The following NELL1 variants were observed in gnomAD, a reference collection of about 807,000 sequenced individuals.
The protein encoded by NELL1 is protein kinase C-binding protein NELL1.
In NELL1, 76 loss-of-function variants were observed where a neutral mutation model predicts 107.4. The observed-to-expected ratio is 0.71, with a 90% CI of 0.59 to 0.86. The LOEUF (loss-of-function observed/expected upper bound fraction) is 0.86. NELL1 is among the 40% of genes least tolerant of loss of function. The pLI, the probability that NELL1 is intolerant of heterozygous loss-of-function variation, is 0.00. For synonymous variants in NELL1, 353 were observed against 341.2 expected, an observed-to-expected ratio of 1.03 and a Z score of -0.38; for missense variants, 1,024 against 1,005.5, an observed-to-expected ratio of 1.02 and a Z score of -0.25.
At chr11:20,971,165 G>A (rs1256522124) in intron 12 of NELL1, among the ~76,000 whole-genome samples, 2 of 152,080 alleles carry the variant, frequency 1.3e-5, no homozygotes, top group African/African-American at 2.4e-5. Flanking sequence ...CAGAAGCCAA[G>A]CCTATGTGTA....
intron 14 of NELL1, among the ~76,000 whole-genome samples, chr11:21,269,778 A>C (rs1480566543): frequency 6.6e-6 from 1 of 152,128 alleles, no homozygotes; most frequent in Non-Finnish European, 1.5e-5. Context: ...GCAAAATTAA[A>C]ATTAAAACTT....
At chr11:21,012,794 G>T (rs1231795555) in intron 12 of NELL1, among the ~76,000 whole-genome samples, 1 of 152,020 alleles carries the variant, frequency 6.6e-6, no homozygotes, top group Non-Finnish European at 1.5e-5. Context: ...AAGATCAGAT[G>T]AGTCCATTTA....
chr11:21,373,746 C>T (rs1565193337), intron 15 of NELL1, among the ~76,000 whole-genome samples: 1 of 152,110 alleles, frequency 6.6e-6, no homozygotes, highest in Non-Finnish European at 1.5e-5. Context: ...CATAACCCCC[C>T]TTAAGCAAAC....
At chr11:21,098,186 T>C (rs1355698343) in intron 12 of NELL1, among the ~76,000 whole-genome samples, 2 of 152,198 alleles carry the variant, frequency 1.3e-5, no homozygotes, top group East Asian at 3.9e-4. Flanking sequence ...ATGCCCTGTG[T>C]CTTTTCTATG....
intron 14 of NELL1, among the ~76,000 whole-genome samples, chr11:21,307,772 A>C (rs1210626442): frequency 6.6e-6 from 1 of 152,018 alleles, no homozygotes; most frequent in Non-Finnish European, 1.5e-5. Context: ...CTTTCAAAAG[A>C]GAGGCCTATA....
At chr11:21,276,728 C>G (rs1256102507) in intron 14 of NELL1, among the ~76,000 whole-genome samples, 2 of 152,108 alleles carry the variant, frequency 1.3e-5, no homozygotes, top group Non-Finnish European at 2.9e-5. Flanking sequence ...GAACGGAGCC[C>G]TCAGAAATAA....
intron 14 of NELL1, among the ~76,000 whole-genome samples, chr11:21,274,768 T>C (rs7941898): frequency 6.6e-6 from 1 of 152,104 alleles, no homozygotes; most frequent in East Asian, 1.9e-4. Context: ...CTCAACTACA[T>C]GGAAACTGAA....
intron 3 of NELL1, among the ~76,000 whole-genome samples, chr11:20,817,000 T>C (rs1453560192): frequency 3.3e-5 from 5 of 152,228 alleles, no homozygotes. Context: ...CACTTGATCA[T>C]GAAGAATCAA....
chr11:21,290,180 T>C (rs1193668691), intron 14 of NELL1, among the ~76,000 whole-genome samples: 1 of 151,844 alleles, frequency 6.6e-6, no homozygotes, highest in Non-Finnish European at 1.5e-5. Context: ...CCATCCTGTC[T>C]AACACGGTGA....
chr11:20,704,496 C>T (rs1366971982), intron 2 of NELL1, among the ~76,000 whole-genome samples: 1 of 152,040 alleles, frequency 6.6e-6, no homozygotes, highest in Non-Finnish European at 1.5e-5. Context: ...AGCATTTAGC[C>T]CATTTAGATT....
At chr11:21,252,949 A>G (rs989964809) in intron 14 of NELL1, among the ~76,000 whole-genome samples, 2 of 152,134 alleles carry the variant, frequency 1.3e-5, no homozygotes, top group Non-Finnish European at 2.9e-5. Flanking sequence ...GGAGTGTACA[A>G]CTGCTAATAG....
At chr11:21,143,312 A>C (rs533480109) in intron 13 of NELL1, among the ~76,000 whole-genome samples, 1 of 152,310 alleles carries the variant, frequency 6.6e-6, no homozygotes, top group East Asian at 1.9e-4. Flanking sequence ...TTGGGACAAT[A>C]ATAAGCCAAA....
intron 12 of NELL1, among the ~76,000 whole-genome samples, chr11:21,072,531 C>T (rs1244865349): frequency 6.6e-6 from 1 of 152,116 alleles, no homozygotes; most frequent in African/African-American, 2.4e-5. Context: ...AAGTTCTTGG[C>T]ATTTTCTATG....
intron 13 of NELL1, among the ~76,000 whole-genome samples, chr11:21,174,196 G>A (rs1246050904): frequency 2.0e-5 from 3 of 151,770 alleles, no homozygotes; most frequent in Admixed American, 2.0e-4. Flanking sequence ...TGCTGAAAGT[G>A]AGAGATACTG....
chr11:21,534,371 C>G lies in NELL1; in HGVS notation c.1646-3C>G. ...GGTGGGCTTGTGTTTTTCTCTGAGG[C>G]AGATATTGATGAATGTTCAGAGGGA... On this transcript the variant is annotated splice_region_variant and splice_polypyrimidine_tract_variant and intron_variant, in intron 15 of 19. Transcript: ENST00000357134. The G allele has an allele frequency of 6.2e-7, 1 of 1,613,654 alleles. No homozygotes were observed. Among genetic ancestry groups the G allele is most frequent in the Non-Finnish European group, 8.5e-7 (1 of 1,179,706 alleles).
At chr11:20,987,666 C>T (rs1380538204) in intron 12 of NELL1, among the ~76,000 whole-genome samples, 3 of 152,120 alleles carry the variant, frequency 2.0e-5, no homozygotes, top group Non-Finnish European at 4.4e-5. Context: ...CCCAGAATAC[C>T]TGGAAATTAT....
At chr11:21,347,609 A>G (rs563476765) in intron 14 of NELL1, among the ~76,000 whole-genome samples, 83 of 152,288 alleles carry the variant, frequency 5.5e-4, no homozygotes, top group African/African-American at 1.9e-3. Context: ...CCTAAAACAA[A>G]CAAACAACAA....
intron 9 of NELL1, among the ~76,000 whole-genome samples, chr11:20,937,133 A>C (rs894161258): frequency 6.6e-6 from 1 of 152,194 alleles, no homozygotes; most frequent in Non-Finnish European, 1.5e-5. Context: ...GTTTCAGTGC[A>C]ATCTAAATTG....
intron 13 of NELL1, among the ~76,000 whole-genome samples, chr11:21,115,008 A>G (rs543067181): frequency 6.6e-6 from 1 of 151,980 alleles, no homozygotes; most frequent in Non-Finnish European, 1.5e-5. Flanking sequence ...CTTAATAAAC[A>G]TTAATTAAAG....
Sources: allele counts gnomAD v4.1 joint callset (sites outside exome capture counted in the v4.1 genomes callset), GRCh38; gene constraint gnomAD v4.1.1; transcripts MANE v1.5; gene names NCBI Gene and HGNC (gene_info 2026-07-23, HGNC 2026-07-21).